Variants in TENM3 observed in about 807,000 individuals in gnomAD.
TENM3 encodes teneurin transmembrane protein 3, also known as teneurin-3.
In TENM3, 63 loss-of-function variants were observed where a neutral mutation model predicts 255.1. That is an observed-to-expected ratio of 0.25 (90% confidence interval 0.20 to 0.30). The LOEUF is 0.30. Among genes scored for constraint, TENM3 ranks in the 10% least tolerant of loss-of-function variants. TENM3 has a pLI of 1.00. For missense variants in TENM3, 2,929 were observed against 3,461.1 expected, an observed-to-expected ratio of 0.85 and a Z score of 3.86; for synonymous variants, 1,306 against 1,322.3, an observed-to-expected ratio of 0.99 and a Z score of 0.27.
At chr4:182,420,324 A>G (rs1770728697) in intron 3 of TENM3, among the ~76,000 whole-genome samples, 1 of 152,164 alleles carries the variant, frequency 6.6e-6, no homozygotes, top group Non-Finnish European at 1.5e-5. Flanking sequence ...CGGTTGATGC[A>G]GTTTCAGCTA....
At chr4:181,524,305 A>G in the TENM3 span, among the ~76,000 whole-genome samples, 1 of 152,150 alleles carries the variant, frequency 6.6e-6, no homozygotes, top group Non-Finnish European at 1.5e-5. Context: ...TTATTTCCTA[A>G]TGGATTGATT....
chr4:182,783,550 C>A (rs1765357462), intron 24 of TENM3, among the ~76,000 whole-genome samples: 1 of 150,452 alleles, frequency 6.6e-6, no homozygotes, highest in Non-Finnish European at 1.5e-5. Context: ...TTGCTCTTCT[C>A]GAGGAGTATC....
rs370043916 is a variant in TENM3 at position 182,262,883 on chromosome 4, G to T, written c.-76+19407G>T. On this transcript the variant is annotated intron_variant, in intron 1 of 27. Transcript: ENST00000511685. The stretch of plus-strand genomic sequence containing the variant: ...CACCCACCACCACGCCCGGCTAATT[G>T]TTTGTATTTTTAGTAGAGACGGGGT... Among the ~76,000 whole-genome samples, 19 of 151,892 alleles carry T rather than the reference G, an allele frequency of 1.3e-4. No homozygotes were observed. The East Asian group carries it at 2.1e-3, about 17-fold the overall frequency.
chr4:182,080,792 G>C, the TENM3 span, among the ~76,000 whole-genome samples: 2 of 152,034 alleles, frequency 1.3e-5, no homozygotes, highest in African/African-American at 2.4e-5. Context: ...AGGGGTTCAC[G>C]ACAAGCCTAG....
At chr4:182,577,197 T>TA (rs1180440432) in intron 3 of TENM3, among the ~76,000 whole-genome samples, 1 of 152,226 alleles carries the variant, frequency 6.6e-6, no homozygotes, top group Non-Finnish European at 1.5e-5. Flanking sequence ...TTTCATCTCT[T>TA]AGATTATTTA....
At chr4:182,104,284 G>A in the TENM3 span, among the ~76,000 whole-genome samples, 98 of 152,106 alleles carry the variant, frequency 6.4e-4, no homozygotes, top group Middle Eastern at 6.8e-3. Context: ...AAATCCAAGC[G>A]AGACCAGGTG....
At chr4:181,730,741 AAGTC>A in the TENM3 span, among the ~76,000 whole-genome samples, 13 of 152,330 alleles carry the variant, frequency 8.5e-5, no homozygotes, top group African/African-American at 2.9e-4. Flanking sequence ...GCAACACAGA[AAGTC>A]ACATACTACA....
At chr4:181,758,407 A>G in the TENM3 span, among the ~76,000 whole-genome samples, 1 of 152,332 alleles carries the variant, frequency 6.6e-6, no homozygotes, top group Middle Eastern at 3.4e-3. Context: ...CAGTGTAAAG[A>G]TAATGTGAAG....
chr4:182,319,790 C>G (rs1043262138), intron 1 of TENM3, among the ~76,000 whole-genome samples: 2 of 152,166 alleles, frequency 1.3e-5, no homozygotes, highest in African/African-American at 4.8e-5. Flanking sequence ...GAAAATGATA[C>G]AGTAGAGAGA....
chr4:182,464,114 A>T (rs1732345517), intron 3 of TENM3, among the ~76,000 whole-genome samples: 1 of 152,218 alleles, frequency 6.6e-6, no homozygotes, highest in Non-Finnish European at 1.5e-5. Context: ...AAATTTAGAG[A>T]TGTTTCCCTC....
chr4:182,346,997 G>GGA (rs1554053259), intron 3 of TENM3, 68 bp downstream of exon 3: 7 of 1,146,974 alleles, frequency 6.1e-6, no homozygotes, highest in Non-Finnish European at 8.4e-6. Flanking sequence ...TGACTCCGCG[G>GGA]GGGGGGATGT....
rs753184289 is a variant in TENM3 at position 182,346,635 on chromosome 4, T to C, written c.233-16T>C. 4.3e-6 allele frequency: 7 copies of C among 1,610,522 alleles called. No individual in the cohort carries two copies. The South Asian group carries it at 7.7e-5, about 18-fold the overall frequency. On this transcript the variant is annotated splice_polypyrimidine_tract_variant and intron_variant, in intron 2 of 27. Transcript: ENST00000511685. Reference sequence around the variant, plus strand: ...CATATACTCACTAGTTGTTATCTTTTTTTCCCCCTAATTAGGACAGAATTT... The same window carrying C: ...CATATACTCACTAGTTGTTATCTTTCTTTCCCCCTAATTAGGACAGAATTT...
At chr4:181,551,920 A>C in the TENM3 span, among the ~76,000 whole-genome samples, 1 of 148,964 alleles carries the variant, frequency 6.7e-6, no homozygotes, top group African/African-American at 2.5e-5. Context: ...CTTTCCAGCA[A>C]ATATTATCAC....
chr4:182,269,398 C>T (rs931022911), intron 1 of TENM3, among the ~76,000 whole-genome samples: 1 of 152,152 alleles, frequency 6.6e-6, no homozygotes, highest in African/African-American at 2.4e-5. Context: ...TGTGAGAGTA[C>T]TGGACAGTTG....
chr4:181,869,817 G>A, the TENM3 span, among the ~76,000 whole-genome samples: 8 of 152,016 alleles, frequency 5.3e-5, no homozygotes, highest in Admixed American at 3.3e-4. Flanking sequence ...TCACAAGAAT[G>A]CTCAACAAAC....
the TENM3 span, among the ~76,000 whole-genome samples, chr4:181,601,135 A>G: frequency 6.6e-6 from 1 of 152,162 alleles, no homozygotes; most frequent in South Asian, 2.1e-4. Context: ...TTAGTTTTCT[A>G]TGGCTGCTGT....
chr4:182,346,987 T>A, intron 3 of TENM3, 58 bp downstream of exon 3: 1 of 1,019,868 alleles, frequency 9.8e-7, no homozygotes, highest in Non-Finnish European at 1.3e-6. Context: ...CTGTTTTGGT[T>A]GACTCCGCGG....
the TENM3 span, among the ~76,000 whole-genome samples, chr4:181,830,818 C>T: frequency 6.6e-6 from 1 of 152,148 alleles, no homozygotes; most frequent in African/African-American, 2.4e-5. Context: ...GATCCCGTCA[C>T]CAAGTTTCCT....
chr4:181,526,165 A>T, the TENM3 span, among the ~76,000 whole-genome samples: 3 of 152,158 alleles, frequency 2.0e-5, no homozygotes, highest in African/African-American at 7.2e-5. Context: ...CGATTGGCCC[A>T]TTTCTCTGGT....
Sources: gnomAD v4.1 joint callset for allele counts (sites outside exome capture counted in the v4.1 genomes callset) on GRCh38, gnomAD v4.1.1 for gene constraint, MANE v1.5 for transcripts, NCBI Gene and HGNC (gene_info 2026-07-23, HGNC 2026-07-21) for gene names.